EXOSC6: variants seen among roughly 807,000 people sequenced by gnomAD.
EXOSC6 encodes the protein exosome component 6, also known as exosome complex component MTR3.
In EXOSC6, 21 loss-of-function variants were observed where a neutral mutation model predicts 16.7. The observed-to-expected ratio is 1.26, with a 90% CI of 0.89 to 1.82. EXOSC6 has a LOEUF of 1.82. Ranked by LOEUF, EXOSC6 falls within the 40% of genes most tolerant of loss-of-function variation. The pLI, the probability that EXOSC6 is intolerant of heterozygous loss-of-function variation, is 0.00. For synonymous variants in EXOSC6, 297 were observed against 217.1 expected, an observed-to-expected ratio of 1.37 and a Z score of -3.24; for missense variants, 538 against 415.7, an observed-to-expected ratio of 1.29 and a Z score of -2.56.
At position 70,251,650 on chromosome 16, in the gene EXOSC6, G is replaced by A. The variant is rs1411465309; in HGVS notation, c.251C>T (p.Ala84Val). 1.4e-5 allele frequency: 16 copies of A among 1,182,182 alleles called. No homozygotes were observed. The highest frequency in any genetic ancestry group is 8.1e-5 in the African/African-American group (5 of 61,906). 73.2% of individuals were successfully genotyped at this position (1,182,182 alleles called of 1,614,324 possible). A position where few individuals can be genotyped will look rare whatever the true frequency, so the allele number is the denominator to read the frequency against. Residue 84 changes from alanine (A) to valine (V), a missense_variant, in exon 1 of 1, where the codon GCA becomes GTA. Physicochemically the swap from Ala to Val is moderately conservative, Grantham distance 64. Transcript: ENST00000435634. ...CAGCGCGGCCGGGGCCTCGCCGCCT[G>A]CTCCGGCCGGGCCGCCGCCGCGCTC... ...GGERGGGPAG[A>V]GGEAPAALRG...
At position 70,251,627 on chromosome 16, in the gene EXOSC6, G is replaced by C; in HGVS notation, c.274C>G (p.Leu92Val). 9.2e-7 allele frequency: 1 copy of C among 1,083,894 alleles called. No homozygotes were observed. Among genetic ancestry groups the C allele is most frequent in the Non-Finnish European group, 1.1e-6 (1 of 896,300 alleles). The allele number at this position is 1,083,894 out of a possible 1,614,324, so 67.1% of individuals were successfully genotyped here. ...AGAGGEAPAA[L>V]RGRLLCDFRR... ...AAGTCGCAGAGCAGGCGACCGCGCA[G>C]CGCGGCCGGGGCCTCGCCGCCTGCT... The change falls in exon 1 of 1, where the codon CTG becomes GTG. Residue 92 changes from leucine (L) to valine (V), a missense_variant. Transcript: ENST00000435634.
Position 70,246,971 on chromosome 16 carries a change from G to C in EXOSC6, c.*4111C>G. 1.9e-6 allele frequency: 1 copy of C among 527,220 alleles called. No homozygotes were observed. The highest frequency in any genetic ancestry group is 3.7e-6 in the Non-Finnish European group (1 of 272,796). The allele number at this position is 527,220 out of a possible 1,614,324, so 32.7% of individuals were successfully genotyped here. ...TCCCCCTCACCCCATGATCTGAAAA[G>C]CGAAATGAGGAATTCACCCTAAAAT... On this transcript the variant is annotated 3_prime_UTR_variant, in exon 1 of 1. Coordinates refer to ENST00000435634, the MANE Select transcript of EXOSC6 (RefSeq NM_058219.3).
Position 70,251,003 on chromosome 16 carries a change from AGGCCGAT to A in EXOSC6, c.*72_*78del. 7.1e-7 allele frequency: 1 copy of A among 1,415,966 alleles called. No individual in the cohort carries two copies. Among genetic ancestry groups the A allele is most frequent in the Non-Finnish European group, 9.2e-7 (1 of 1,089,592 alleles). The allele number at this position is 1,415,966 out of a possible 1,614,324, so 87.7% of individuals were successfully genotyped here. On this transcript the variant is annotated 3_prime_UTR_variant, in exon 1 of 1. Coordinates refer to ENST00000435634, the MANE Select transcript of EXOSC6 (RefSeq NM_058219.3). ...TCCAGGAATTCTCGACGCAAACTGGAGGCCGATGGCGCGGGTCTTTTCGTGGACGGCG... is the reference window on the plus strand; with the variant it reads ...TCCAGGAATTCTCGACGCAAACTGGAGGCGCGGGTCTTTTCGTGGACGGCG...
rs555969352 is a variant in EXOSC6 at position 70,246,951 on chromosome 16, C to T, written c.*4131G>A. ...GTTCCTCACACACACAACCATCCCC[C>T]TCACCCCATGATCTGAAAAGCGAAA... On this transcript the variant is annotated 3_prime_UTR_variant, in exon 1 of 1. Coordinates refer to ENST00000435634, the MANE Select transcript of EXOSC6 (RefSeq NM_058219.3). 1 of 550,510 alleles carries T rather than the reference C, an allele frequency of 1.8e-6. No individual in the cohort carries two copies. Among genetic ancestry groups the T allele is most frequent in the South Asian group, 1.4e-5 (1 of 70,194 alleles). 34.1% of individuals were successfully genotyped at this position (550,510 alleles called of 1,614,324 possible).
In EXOSC6 at chr16:70,250,963, T is replaced by C. The variant is rs1959799996; in HGVS notation, c.*119A>G. The C allele has an allele frequency of 2.3e-6, 3 of 1,298,702 alleles. No individual in the cohort carries two copies. The highest frequency in any genetic ancestry group is 3.0e-6 in the Non-Finnish European group (3 of 992,760). 80.4% of individuals were successfully genotyped at this position (1,298,702 alleles called of 1,614,324 possible). On this transcript the variant is annotated 3_prime_UTR_variant, in exon 1 of 1. Transcript: ENST00000435634. ...GGCAGTCAGGTCAGTCCAACCACAG[T>C]CATATCAGGGCCCTTCCAGGAATTC... is the stretch of plus-strand genomic sequence containing the variant.
In EXOSC6 at chr16:70,251,214, G is replaced by A. The variant is rs969768544; in HGVS notation, c.687C>T (p.Gly229=). Residue 229 remains glycine (G), a synonymous_variant, in exon 1 of 1, where the codon GGC becomes GGT. Transcript: ENST00000435634. The stretch of plus-strand genomic sequence containing the variant: ...CCCAGCTCTCTGTCAGGCCGCCCTC[G>A]CCGCTGCCCAGCAGCCCGGCCACCT... The part of the protein sequence containing the change: ...LNQVAGLLGS[G]EGGLTESWAE... 25 of 1,508,576 alleles carry A rather than the reference G, an allele frequency of 1.7e-5. No individual in the cohort carries two copies. Among genetic ancestry groups the A allele is most frequent in the Non-Finnish European group, 1.9e-5 (22 of 1,136,168 alleles). The allele number at this position is 1,508,576 out of a possible 1,614,324, so 93.4% of individuals were successfully genotyped here. A position where few individuals can be genotyped will look rare whatever the true frequency, so the allele number is the denominator to read the frequency against.
Position 70,251,650 on chromosome 16 carries a change from G to C in EXOSC6, c.251C>G (p.Ala84Gly), listed in dbSNP as rs1411465309. Reference sequence around the variant, plus strand: ...CAGCGCGGCCGGGGCCTCGCCGCCTGCTCCGGCCGGGCCGCCGCCGCGCTC... The same window carrying C: ...CAGCGCGGCCGGGGCCTCGCCGCCTCCTCCGGCCGGGCCGCCGCCGCGCTC... ...GGERGGGPAG[A>G]GGEAPAALRG... Residue 84 changes from alanine (A) to glycine (G), a missense_variant, in exon 1 of 1, where the codon GCA (alanine) becomes GGA (glycine). Coordinates refer to ENST00000435634, the MANE Select transcript of EXOSC6 (RefSeq NM_058219.3). 3 of 1,182,182 alleles carry C rather than the reference G, an allele frequency of 2.5e-6. No individual in the cohort carries two copies. The highest frequency in any genetic ancestry group is 3.1e-6 in the Non-Finnish European group (3 of 958,110). 73.2% of individuals were successfully genotyped at this position (1,182,182 alleles called of 1,614,324 possible).
Position 70,251,055 on chromosome 16 carries a change from G to A in EXOSC6, c.*27C>T. On this transcript the variant is annotated 3_prime_UTR_variant, in exon 1 of 1. Coordinates refer to ENST00000435634, the MANE Select transcript of EXOSC6 (RefSeq NM_058219.3). ...ACGGCGGCAGCACGGTCCTCGGCTT[G>A]CGTCCGTAGTTGCTCAGGCTTCTGG... is the stretch of plus-strand genomic sequence containing the variant. The A allele has an allele frequency of 6.9e-7, 1 of 1,445,520 alleles. No homozygotes were observed. Among genetic ancestry groups the A allele is most frequent in the Non-Finnish European group, 9.0e-7 (1 of 1,110,802 alleles). The allele number at this position is 1,445,520 out of a possible 1,614,324, so 89.5% of individuals were successfully genotyped here. A position where few individuals can be genotyped will look rare whatever the true frequency, so the allele number is the denominator to read the frequency against.
rs1959707601 is a variant in EXOSC6 at position 70,246,929 on chromosome 16, CCT to C, written c.*4151_*4152del. On this transcript the variant is annotated 3_prime_UTR_variant, in exon 1 of 1. Coordinates refer to ENST00000435634, the MANE Select transcript of EXOSC6 (RefSeq NM_058219.3). Reference sequence around the variant, plus strand: ...TTGTTTTCCATCTGATTCCTCAGTTCCTCACACACACAACCATCCCCCTCACC... The same window carrying C: ...TTGTTTTCCATCTGATTCCTCAGTTCCACACACACAACCATCCCCCTCACC... 3 of 562,854 alleles carry C rather than the reference CCT, an allele frequency of 5.3e-6. No homozygotes were observed. The highest frequency in any genetic ancestry group is 1.0e-5 in the Non-Finnish European group (3 of 293,690). The allele number at this position is 562,854 out of a possible 1,614,324, so 34.9% of individuals were successfully genotyped here.
Position 70,248,420 on chromosome 16 carries a change from T to C in EXOSC6, c.*2662A>G, listed in dbSNP as rs1485401653. On this transcript the variant is annotated 3_prime_UTR_variant, in exon 1 of 1. Transcript: ENST00000435634. ...ATGAAATTATTATCGTATTTACAGGTATTTATTTTACTGGTGCATCTATCT... is the reference window on the plus strand; with the variant it reads ...ATGAAATTATTATCGTATTTACAGGCATTTATTTTACTGGTGCATCTATCT... 2 of 152,140 alleles carry C rather than the reference T, an allele frequency of 1.3e-5. No individual in the cohort carries two copies. Among genetic ancestry groups the C allele is most frequent in the Non-Finnish European group, 2.9e-5 (2 of 68,036 alleles). The allele number at this position is 152,140 out of a possible 1,614,324, so 9.4% of individuals were successfully genotyped here. A position where few individuals can be genotyped will look rare whatever the true frequency, so the allele number is the denominator to read the frequency against.
Position 70,251,411 on chromosome 16 carries a change from C to T in EXOSC6, c.490G>A (p.Ala164Thr). The T allele has an allele frequency of 7.5e-7, 1 of 1,337,822 alleles. No homozygotes were observed. The highest frequency in any genetic ancestry group is 9.5e-7 in the Non-Finnish European group (1 of 1,051,106). The allele number at this position is 1,337,822 out of a possible 1,614,324, so 82.9% of individuals were successfully genotyped here. Residue 164 changes from alanine to threonine, a missense_variant, in exon 1 of 1, where the codon GCC becomes ACC. By Grantham distance (58) the Ala-to-Thr change is moderately conservative. Transcript: ENST00000435634. Reference sequence around the variant, plus strand: ...GCGTCGGCCAGGGCGAGCGCGGCGGCGGTGAGCGCGGCGGCCAGGGCCGAG... The same window carrying T: ...GCGTCGGCCAGGGCGAGCGCGGCGGTGGTGAGCGCGGCGGCCAGGGCCGAG... ...GGSALAAALT[A>T]AALALADAGV...
In EXOSC6 at chr16:70,251,256, G is replaced by A. The variant is rs780472355; in HGVS notation, c.645C>T (p.Leu215=). The part of the protein sequence containing the change: ...ERAAAGLTVA[L]MPVLNQVAGL... ...CGGCCACCTGATTCAGCACAGGCAT[G>A]AGCGCCACGGTGAGGCCGGCGGCGG... Residue 215 remains leucine (L), a synonymous_variant, in exon 1 of 1, where the codon CTC becomes CTT. Transcript: ENST00000435634. The A allele has an allele frequency of 2.4e-5, 36 of 1,471,938 alleles. No homozygotes were observed. Among genetic ancestry groups the A allele is most frequent in the Non-Finnish European group, 3.0e-5 (33 of 1,117,408 alleles). The allele number at this position is 1,471,938 out of a possible 1,614,324, so 91.2% of individuals were successfully genotyped here.
At position 70,251,893 on chromosome 16, in the gene EXOSC6, C is replaced by G; in HGVS notation, c.8G>C (p.Gly3Ala). 5.9e-6 allele frequency: 9 copies of G among 1,538,378 alleles called. No homozygotes were observed. Among genetic ancestry groups the G allele is most frequent in the Non-Finnish European group, 7.8e-6 (9 of 1,152,816 alleles). The change falls in exon 1 of 1, where the codon GGG becomes GCG. Residue 3 changes from glycine (G) to alanine (A), a missense_variant. Transcript: ENST00000435634. ...AGGGCCGCGGATGCGGCGGTGATCC[C>G]CAGGCATGGCGGTTCTTGGCGTGCG... MP[G>A]DHRRIRGPEE...
Position 70,251,729 on chromosome 16 carries a change from C to T in EXOSC6, c.172G>A (p.Gly58Arg), listed in dbSNP as rs772927500. 9 of 1,393,872 alleles carry T rather than the reference C, an allele frequency of 6.5e-6. No homozygotes were observed. Among genetic ancestry groups the T allele is most frequent in the East Asian group, 6.1e-5 (2 of 32,704 alleles). The allele number at this position is 1,393,872 out of a possible 1,614,324, so 86.3% of individuals were successfully genotyped here. ...QAKGSAYLEA[G>R]GTKVLCAVSG... ...ACGGCACACAGCACCTTGGTGCCTC[C>T]CGCCTCCAGGTAGGCCGAGCCCTTG... The change falls in exon 1 of 1, where the codon GGA becomes AGA. Residue 58 changes from glycine to arginine, a missense_variant. Physicochemically the swap from Gly to Arg is moderately radical, Grantham distance 125 (BLOSUM62 -2). Transcript: ENST00000435634.
At position 70,251,637 on chromosome 16, in the gene EXOSC6, G is replaced by C; in HGVS notation, c.264C>G (p.Ala88=). 8.9e-7 allele frequency: 1 copy of C among 1,124,018 alleles called. No homozygotes were observed. The allele number at this position is 1,124,018 out of a possible 1,614,324, so 69.6% of individuals were successfully genotyped here. A position where few individuals can be genotyped will look rare whatever the true frequency, so the allele number is the denominator to read the frequency against. The change falls in exon 1 of 1, where the codon GCC becomes GCG. Residue 88 remains alanine, a synonymous_variant. Coordinates refer to ENST00000435634, the MANE Select transcript of EXOSC6 (RefSeq NM_058219.3). ...GCAGGCGACCGCGCAGCGCGGCCGG[G>C]GCCTCGCCGCCTGCTCCGGCCGGGC... ...GGGPAGAGGE[A]PAALRGRLLC...
Position 70,247,555 on chromosome 16 carries a change from G to C in EXOSC6, c.*3527C>G, listed in dbSNP as rs759974937. 2.0e-5 allele frequency: 3 copies of C among 152,112 alleles called. No individual in the cohort carries two copies. Among genetic ancestry groups the C allele is most frequent in the Non-Finnish European group, 4.4e-5 (3 of 68,034 alleles). The allele number at this position is 152,112 out of a possible 1,614,324, so 9.4% of individuals were successfully genotyped here. A position where few individuals can be genotyped will look rare whatever the true frequency, so the allele number is the denominator to read the frequency against. On this transcript the variant is annotated 3_prime_UTR_variant, in exon 1 of 1. Transcript: ENST00000435634. ...GTACTTGCTTCACATTAAAATTAAA[G>C]ATCAGTATGGCACCACACATGAATA...
In EXOSC6 at chr16:70,251,887, T is replaced by C. The variant is rs529346561; in HGVS notation, c.14A>G (p.His5Arg). 1.9e-6 allele frequency: 3 copies of C among 1,540,036 alleles called. No individual in the cohort carries two copies. The highest frequency in any genetic ancestry group is 2.6e-5 in the East Asian group (1 of 38,030). ...TTCTTCAGGGCCGCGGATGCGGCGG[T>C]GATCCCCAGGCATGGCGGTTCTTGG... is the stretch of plus-strand genomic sequence containing the variant. The part of the protein sequence containing the change: MPGD[H>R]RRIRGPEESQ... The change falls in exon 1 of 1, where the codon CAC becomes CGC. Residue 5 changes from histidine (H) to arginine (R), a missense_variant. By Grantham distance (29) the His-to-Arg change is conservative (BLOSUM62 0). Coordinates refer to ENST00000435634, the MANE Select transcript of EXOSC6 (RefSeq NM_058219.3).
Position 70,250,841 on chromosome 16 carries a change from C to T in EXOSC6, c.*241G>A. 2.3e-6 allele frequency: 1 copy of T among 426,160 alleles called. No homozygotes were observed. Among genetic ancestry groups the T allele is most frequent in the Non-Finnish European group, 4.0e-6 (1 of 248,092 alleles). 26.4% of individuals were successfully genotyped at this position (426,160 alleles called of 1,614,324 possible). On this transcript the variant is annotated 3_prime_UTR_variant, in exon 1 of 1. Coordinates refer to ENST00000435634, the MANE Select transcript of EXOSC6 (RefSeq NM_058219.3). ...TCTAAAAAAAAGGTCCAGGTAATTT[C>T]AGGGTCCAGCTCCACCACAAGCGCA...
At position 70,251,085 on chromosome 16, in the gene EXOSC6, G is replaced by C. The variant is rs536434410; in HGVS notation, c.816C>G (p.Pro272=). The change falls in exon 1 of 1, where the codon CCC becomes CCG. Residue 272 remains proline (P), a synonymous_variant. Transcript: ENST00000435634. The part of the protein sequence containing the change: ...AARRRGAAAQ[P] ...CGTAGTTGCTCAGGCTTCTGGTTCAGGGCTGGGCGGCGGCGCCCCTGCGGC... is the reference window on the plus strand; with the variant it reads ...CGTAGTTGCTCAGGCTTCTGGTTCACGGCTGGGCGGCGGCGCCCCTGCGGC... The C allele has an allele frequency of 2.0e-6, 3 of 1,478,280 alleles. No homozygotes were observed. Among genetic ancestry groups the C allele is most frequent in the South Asian group, 1.4e-5 (1 of 73,336 alleles). 91.6% of individuals were successfully genotyped at this position (1,478,280 alleles called of 1,614,324 possible). A position where few individuals can be genotyped will look rare whatever the true frequency, so the allele number is the denominator to read the frequency against.
Sources: allele counts gnomAD v4.1 joint callset, GRCh38; gene constraint gnomAD v4.1.1; transcripts MANE v1.5; gene names NCBI Gene and HGNC (gene_info 2026-07-23, HGNC 2026-07-21).